Variants in IGSF22 observed in about 807,000 individuals in gnomAD.
The protein encoded by IGSF22 is immunoglobulin superfamily member 22.
IGSF22 carries 119 observed loss-of-function variants against 127.0 expected under a neutral mutation model. The observed-to-expected ratio is 0.94, with a 90% CI of 0.81 to 1.09. The LOEUF (loss-of-function observed/expected upper bound fraction) is 1.09. Among genes scored for constraint, IGSF22 ranks in the 50% least tolerant of loss-of-function variants. IGSF22 has a pLI of 0.00. For missense variants in IGSF22, 1,518 were observed against 1,716.6 expected, an observed-to-expected ratio of 0.88 and a Z score of 2.04; for synonymous variants, 568 against 664.7, an observed-to-expected ratio of 0.85 and a Z score of 2.24.
At chr11:18,710,945 C>G (rs1554903815) in intron 15 of IGSF22, 117 bp from the exon 16 acceptor site, 5 of 900,010 alleles carry the variant, frequency 5.6e-6, no homozygotes, top group Non-Finnish European at 8.4e-6. Flanking sequence ...ATTCTTTTTT[C>G]TTTTTCCTTT....
Position 18,724,167 on chromosome 11 carries a change from GGGT to G in IGSF22, c.67_69del (p.Thr23del). 6.2e-7 allele frequency: 1 copy of G among 1,614,016 alleles called. No homozygotes were observed. Among genetic ancestry groups the G allele is most frequent in the African/African-American group, 1.3e-5 (1 of 75,058 alleles). ...GTTGTCTGGGAGAAGGTCTGCACGT[GGGT>G]GGTGGAGCTGGAGAACTCCATGGAC... On this transcript the variant is annotated inframe_deletion, in exon 2 of 23. Coordinates refer to ENST00000513874, the MANE Select transcript of IGSF22 (RefSeq NM_173588.4).
At chr11:18,721,046 A>C (rs537939784) in intron 4 of IGSF22, among the ~76,000 whole-genome samples, 4 of 152,296 alleles carry the variant, frequency 2.6e-5, no homozygotes, top group Admixed American at 2.6e-4. Context: ...CCCAGCTCTC[A>C]GAAAGTGATC....
intron 21 of IGSF22, 61 bp downstream of exon 21, chr11:18,706,853 T>C: frequency 3.7e-6 from 5 of 1,347,668 alleles, no homozygotes; most frequent in Non-Finnish European, 5.0e-6. Flanking sequence ...TTTGGGACCC[T>C]TATGTCATCC....
At chr11:18,707,699 C>T (rs1218207972) in intron 20 of IGSF22, 105 bp downstream of exon 20, 2 of 920,502 alleles carry the variant, frequency 2.2e-6, no homozygotes, top group Non-Finnish European at 1.6e-6. Context: ...CTTCATGGCC[C>T]TAAGGCATGA....
intron 11 of IGSF22, 50 bp from the exon 12 acceptor site, chr11:18,714,674 G>C (rs1357686673): frequency 6.2e-7 from 1 of 1,603,326 alleles, no homozygotes; most frequent in African/African-American, 1.3e-5. Context: ...GGGGTGGGAG[G>C]GACTTCTGGG....
chr11:18,705,619 T>A, intron 22 of IGSF22, 198 bp downstream of exon 22: 1 of 599,024 alleles, frequency 1.7e-6, no homozygotes, highest in Non-Finnish European at 3.0e-6. Context: ...CTCTCATGTC[T>A]GCAGGGGCCA....
At chr11:18,717,318 G>A (rs1848480981) in intron 9 of IGSF22, among the ~76,000 whole-genome samples, 3 of 152,118 alleles carry the variant, frequency 2.0e-5, no homozygotes, top group Admixed American at 2.0e-4. Context: ...TTGTAGATGG[G>A]GAAACTGAAT....
At chr11:18,708,726 A>G (rs914676343) in intron 18 of IGSF22, among the ~76,000 whole-genome samples, 10 of 152,202 alleles carry the variant, frequency 6.6e-5, no homozygotes, top group African/African-American at 2.4e-4. Flanking sequence ...TCTTCCCCCA[A>G]ACTAAATCAC....
rs554341315 is a variant in IGSF22, at chr11:18,719,905, A to G, written c.519-12T>C. Reference sequence around the variant, plus strand: ...GAGCAGGGGGTGCCCTAGGAGAAGGAGGAAGGGACTAAGCTTGTACACAAT... The same window carrying G: ...GAGCAGGGGGTGCCCTAGGAGAAGGGGGAAGGGACTAAGCTTGTACACAAT... On this transcript the variant is annotated splice_polypyrimidine_tract_variant and intron_variant, in intron 6 of 22. Transcript: ENST00000513874. The G allele has an allele frequency of 1.9e-6, 3 of 1,614,050 alleles. No homozygotes were observed. The East Asian group carries it at 6.7e-5, about 36-fold the overall frequency.
chr11:18,707,678 G>T, intron 20 of IGSF22, 126 bp downstream of exon 20: 1 of 746,870 alleles, frequency 1.3e-6, no homozygotes, highest in Non-Finnish European at 2.2e-6. Flanking sequence ...GCTCTGTGGT[G>T]TCAAAGAAAT....
chr11:18,712,781 T>C (rs1848382049), intron 14 of IGSF22, among the ~76,000 whole-genome samples: 1 of 152,218 alleles, frequency 6.6e-6, no homozygotes, highest in South Asian at 2.1e-4. Flanking sequence ...CTGCTGGGGA[T>C]ACTTCATCTC....
At position 18,707,942 on chromosome 11, in the gene IGSF22, G is replaced by A. The variant is rs776165172; in HGVS notation, c.3142C>T (p.Arg1048Ter). 22 of 1,614,020 alleles carry A rather than the reference G, an allele frequency of 1.4e-5. No homozygotes were observed. In the East Asian group the frequency reaches 2.0e-4, roughly 15 times the overall value. ...WQKDGVPTKGRETITKSKNHS... is the reference protein window; with the variant it reads ...WQKDGVPTKG ...TTTTTGCTCTTGGTAATTGTCTCTC[G>A]GCCCTTGGTGGGAACGCCATCTTTC... Residue 1048 changes from arginine to a stop codon, truncating the protein, a stop_gained, in exon 20 of 23, where the codon CGA becomes TGA. Transcript: ENST00000513874. LOFTEE classifies it high-confidence loss of function.
rs1023855042 is a variant in IGSF22, at chr11:18,707,831, G to A, written c.3253C>T (p.Arg1085Cys). ...ILLQNEFGEA[R>C]YDIHVRVADF... ...GCCACGCGCACATGGATGTCATAGC[G>A]TGCTTCTCCAAACTCATTCTGAAGC... The change falls in exon 20 of 23, where the codon CGC becomes TGC. Residue 1085 changes from arginine (R) to cysteine (C), a missense_variant. Arg to Cys is a radical substitution (Grantham distance 180). Around this residue, in one of 3 missense-constraint regions of IGSF22, gnomAD observed 1,456 missense variants for 1,644.9 expected, o/e 0.89. Transcript: ENST00000513874. 30 of 1,607,812 alleles carry A rather than the reference G, an allele frequency of 1.9e-5. No homozygotes were observed. Among genetic ancestry groups the A allele is most frequent in the African/African-American group, 5.3e-5 (4 of 74,976 alleles).
At chr11:18,711,027 T>C (rs7109493) in intron 15 of IGSF22, among the ~76,000 whole-genome samples, 199 bp from the exon 16 acceptor site, 109,055 of 152,140 alleles carry the variant, frequency 0.72, 39,367 homozygotes, top group East Asian at 0.81. Context: ...CCTCCTGTCT[T>C]GGCCTTCCGA....
In IGSF22 at chr11:18,718,034, G is replaced by A. The variant is rs777418624; in HGVS notation, c.870C>T (p.Gly290=). Residue 290 remains glycine (G), a synonymous_variant, in exon 9 of 23, where the codon GGC becomes GGT. Transcript: ENST00000513874. ...SLGKYDVKQM[G]TKYMLVISNV... is the part of the protein sequence containing the mutation. ...TGCTAATAACCAGCATGTACTTGGT[G>A]CCCATCTGCTTCACATCGTACTTGC... is the stretch of plus-strand genomic sequence containing the variant. 17 of 1,614,210 alleles carry A rather than the reference G, an allele frequency of 1.1e-5. No homozygotes were observed. Among genetic ancestry groups the A allele is most frequent in the Non-Finnish European group, 1.3e-5 (15 of 1,180,036 alleles).
intron 22 of IGSF22, 113 bp downstream of exon 22, chr11:18,705,704 T>A: frequency 1.2e-6 from 1 of 866,488 alleles, no homozygotes; most frequent in Non-Finnish European, 1.7e-6. Flanking sequence ...TTGCACCACC[T>A]GTTGGCAGTC....
rs571021926 is a variant in IGSF22 at position 18,717,137 on chromosome 11, C to T, written c.974-137G>A. The T allele has an allele frequency of 4.8e-4, 424 of 882,688 alleles. 3 individuals are homozygous for T. The African/African-American group carries it at 6.0e-3, about 12-fold the overall frequency. 54.7% of individuals were successfully genotyped at this position (882,688 alleles called of 1,614,324 possible). On this transcript the variant is annotated intron_variant, in intron 9 of 22. Coordinates refer to ENST00000513874, the MANE Select transcript of IGSF22 (RefSeq NM_173588.4). ...AGCACCCTGCCTTTGGTTTTGTTTT[C>T]GAGCCCTTCTCTCCTGGAGTCCCCT...
intron 15 of IGSF22, among the ~76,000 whole-genome samples, chr11:18,711,337 C>T (rs1356372132): frequency 6.6e-6 from 1 of 152,154 alleles, no homozygotes; most frequent in Non-Finnish European, 1.5e-5. Flanking sequence ...ATCTACTGTC[C>T]TGACATGGAG....
At chr11:18,721,831 T>C (rs1848579722) in intron 3 of IGSF22, 79 bp downstream of exon 3, 2 of 1,592,916 alleles carry the variant, frequency 1.3e-6, no homozygotes, top group Non-Finnish European at 1.7e-6. Context: ...TTGGAGGTCG[T>C]TGGGGTAGGA....
Sources: allele counts gnomAD v4.1 joint callset (sites outside exome capture counted in the v4.1 genomes callset), GRCh38; gene constraint gnomAD v4.1.1; regional missense constraint gnomAD v4.1.1; transcripts MANE v1.5; gene names NCBI Gene and HGNC (gene_info 2026-07-23, HGNC 2026-07-21).